The following TRMT5 variants were observed in gnomAD, a reference collection of about 807,000 sequenced individuals.
The protein encoded by TRMT5 is tRNA (guanine(37)-N(1))-methyltransferase.
Under a neutral mutation model 42.2 loss-of-function variants are expected in TRMT5, and 31 were observed. The observed-to-expected ratio is 0.73, with a 90% CI of 0.55 to 0.99. The LOEUF (loss-of-function observed/expected upper bound fraction) is 0.99. Ranked by LOEUF, TRMT5 falls within the 50% of genes least tolerant of loss-of-function variation. The pLI is 0.00. For missense variants in TRMT5, 568 were observed against 595.0 expected, an observed-to-expected ratio of 0.95 and a Z score of 0.47; for synonymous variants, 198 against 209.6, an observed-to-expected ratio of 0.94 and a Z score of 0.48.
rs1449534249 is a variant in TRMT5 at position 60,977,170 on chromosome 14, C to T, written c.792+344G>A. On this transcript the variant is annotated intron_variant, in intron 3 of 4. Transcript: ENST00000261249. ...TAACCTAGAAGGTTTAAATATATCT[C>T]GAGAACTATTTTATACATACTGTTC... Among the ~76,000 whole-genome samples, 10 of 152,228 alleles carry T rather than the reference C, an allele frequency of 6.6e-5. No homozygotes were observed. In the East Asian group the frequency reaches 1.5e-3, roughly 23 times the overall value.
At chr14:60,978,170 A>G (rs747365582) in intron 2 of TRMT5, among the ~76,000 whole-genome samples, 3 of 152,240 alleles carry the variant, frequency 2.0e-5, no homozygotes, top group African/African-American at 2.4e-5. Flanking sequence ...AGTCCTATCT[A>G]AATTAAATGT....
At chr14:60,981,389 G>A (rs2037001397), upstream of TRMT5, 2 of 1,587,122 alleles carry the variant, frequency 1.3e-6, no homozygotes, top group South Asian at 1.2e-5. Context: ...CAACGTAAGT[G>A]GGCTGTGTTC....
At chr14:60,981,303 A>G (rs141415779), upstream of TRMT5, 500 of 1,609,624 alleles carry the variant, frequency 3.1e-4, 3 homozygotes, top group South Asian at 3.1e-3. Context: ...GGGAGCTTCA[A>G]CGCTGAGCGG....
chr14:60,979,571 C>T lies in TRMT5; in HGVS notation c.327G>A (p.Leu109=), dbSNP rs762771187. 3.1e-6 allele frequency: 5 copies of T among 1,614,120 alleles called. No individual in the cohort carries two copies. The Admixed American group carries it at 8.3e-5, about 27-fold the overall frequency. The change falls in exon 2 of 5, where the codon TTG becomes TTA. Residue 109 remains leucine, a synonymous_variant. Coordinates refer to ENST00000261249, the MANE Select transcript of TRMT5 (RefSeq NM_020810.3). ...LKVRKEIVSK[L]MRSLKRAALQ... ...ATGCTGCCCTTTTTAGGGATCGCAT[C>T]AATTTACTGACTATTTCTTTCCTCA...
upstream of TRMT5, chr14:60,981,149 A>G (rs1475978635): frequency 6.5e-6 from 10 of 1,543,498 alleles, no homozygotes; most frequent in African/African-American, 1.4e-5. Flanking sequence ...CTCTCCTTCC[A>G]GGCCCTGGTG....
Position 60,975,763 on chromosome 14 carries a change from T to C in TRMT5, c.1156A>G (p.Met386Val), listed in dbSNP as rs1057517685. ...TCTATAGCTTTTGCTGGCAAGTTCATGACAACGTGCACAGAGGGTTTTCTT... is the reference window on the plus strand; with the variant it reads ...TCTATAGCTTTTGCTGGCAAGTTCACGACAACGTGCACAGAGGGTTTTCTT... ...KERKPSVHVV[M>V]NLPAKAIEFL... Residue 386 changes from methionine (M) to valine (V), a missense_variant, in exon 4 of 5, where the codon ATG (methionine) becomes GTG (valine). Transcript: ENST00000261249. 8.1e-6 allele frequency: 13 copies of C among 1,614,138 alleles called. No homozygotes were observed. Among genetic ancestry groups the C allele is most frequent in the Non-Finnish European group, 1.1e-5 (13 of 1,180,054 alleles).
Position 60,972,627 on chromosome 14 carries a change from C to CT in TRMT5, c.*2481dup. 2 of 325,692 alleles carry CT rather than the reference C, an allele frequency of 6.1e-6. No homozygotes were observed. Among genetic ancestry groups the CT allele is most frequent in the South Asian group, 2.6e-5 (1 of 38,802 alleles). 20.2% of individuals were successfully genotyped at this position (325,692 alleles called of 1,614,324 possible). A position where few individuals can be genotyped will look rare whatever the true frequency, so the allele number is the denominator to read the frequency against. On this transcript the variant is annotated 3_prime_UTR_variant, in exon 5 of 5. Transcript: ENST00000261249. Reference sequence around the variant, plus strand: ...AATATAGCCCAATTTTTTGTAATGCCTTTTTTGGTGAGAATAACATTGCCT... The same window carrying CT: ...AATATAGCCCAATTTTTTGTAATGCCTTTTTTTGGTGAGAATAACATTGCCT...
rs2036815908 is a variant in TRMT5, at chr14:60,974,341, A to C, written c.*768T>G. ...AAGCAGCTGCAGTCCTCACTTCAGC[A>C]GCACATATACTAAAAAACTGGAATG... On this transcript the variant is annotated 3_prime_UTR_variant, in exon 5 of 5. Coordinates refer to ENST00000261249, the MANE Select transcript of TRMT5 (RefSeq NM_020810.3). 1 of 152,288 alleles carries C rather than the reference A, an allele frequency of 6.6e-6. No individual in the cohort carries two copies. Among genetic ancestry groups the C allele is most frequent in the African/African-American group, 2.4e-5 (1 of 41,452 alleles). 9.4% of individuals were successfully genotyped at this position (152,288 alleles called of 1,614,324 possible). A position where few individuals can be genotyped will look rare whatever the true frequency, so the allele number is the denominator to read the frequency against.
rs917179842 is a variant in TRMT5 at position 60,971,939 on chromosome 14, A to G, written c.*3170T>C. 2 of 232,434 alleles carry G rather than the reference A, an allele frequency of 8.6e-6. No homozygotes were observed. Among genetic ancestry groups the G allele is most frequent in the Admixed American group, 5.2e-5 (1 of 19,136 alleles). The allele number at this position is 232,434 out of a possible 1,614,324, so 14.4% of individuals were successfully genotyped here. The stretch of plus-strand genomic sequence containing the variant: ...GACATAAAAACGAATTTGTTTTTCC[A>G]TACCACAAGGCTTTTGTGCCAAGGT... On this transcript the variant is annotated 3_prime_UTR_variant, in exon 5 of 5. Transcript: ENST00000261249.
In TRMT5 at chr14:60,975,959, G is replaced by GT. The variant is rs757276137; in HGVS notation, c.959dup (p.Asn320LysfsTer8). On this transcript the variant is annotated frameshift_variant, in exon 4 of 5. Coordinates refer to ENST00000261249, the MANE Select transcript of TRMT5 (RefSeq NM_020810.3). LOFTEE classifies it high-confidence loss of function. ...TGAGATCATTGGCAAATACAGTGCA[G>GT]TTTTTCTTTGCTACTGGAATGGCAA... 6 of 1,614,198 alleles carry GT rather than the reference G, an allele frequency of 3.7e-6. No homozygotes were observed. In the Admixed American group the frequency reaches 1.0e-4, roughly 27 times the overall value.
chr14:60,975,389 A>T, intron 4 of TRMT5, 86 bp downstream of exon 4: 1 of 1,513,310 alleles, frequency 6.6e-7, no homozygotes, highest in East Asian at 2.3e-5. Flanking sequence ...GACTGAACTA[A>T]TACTGCATTA....
upstream of TRMT5, chr14:60,981,304 C>A: frequency 6.2e-7 from 1 of 1,609,780 alleles, no homozygotes; most frequent in Non-Finnish European, 8.5e-7. Context: ...GGAGCTTCAA[C>A]GCTGAGCGGG....
intron 2 of TRMT5, among the ~76,000 whole-genome samples, chr14:60,978,466 T>G (rs2036876195): frequency 6.6e-6 from 1 of 152,226 alleles, no homozygotes; most frequent in South Asian, 2.1e-4. Context: ...TGAACTCAAC[T>G]TTTAAGGTAC....
Position 60,975,846 on chromosome 14 carries a change from T to A in TRMT5, c.1073A>T (p.Asp358Val). 1 of 1,614,234 alleles carries A rather than the reference T, an allele frequency of 6.2e-7. No individual in the cohort carries two copies. Among genetic ancestry groups the A allele is most frequent in the Non-Finnish European group, 8.5e-7 (1 of 1,180,042 alleles). ...KVKVFNLDGK[D>V]FLQGPVKEEL... ...TTCTTTGACTGGTCCTTGGAGGAAG[T>A]CTTTCCCATCCAAGTTGAAGACTTT... The change falls in exon 4 of 5, where the codon GAC becomes GTC. Residue 358 changes from aspartate to valine, a missense_variant. By Grantham distance (152) the Asp-to-Val change is radical. Transcript: ENST00000261249.
At chr14:60,975,440 C>A in intron 4 of TRMT5, 35 bp downstream of exon 4, 1 of 1,586,232 alleles carries the variant, frequency 6.3e-7, no homozygotes, top group Non-Finnish European at 8.6e-7. Flanking sequence ...AATTGAATGG[C>A]AAGGTTTACA....
At position 60,974,876 on chromosome 14, in the gene TRMT5, TA is replaced by T; in HGVS notation, c.*232del. 4.0e-6 allele frequency: 1 copy of T among 251,074 alleles called. No homozygotes were observed. The highest frequency in any genetic ancestry group is 2.2e-5 in the African/African-American group (1 of 44,516). The allele number at this position is 251,074 out of a possible 1,614,324, so 15.6% of individuals were successfully genotyped here. A position where few individuals can be genotyped will look rare whatever the true frequency, so the allele number is the denominator to read the frequency against. On this transcript the variant is annotated 3_prime_UTR_variant, in exon 5 of 5. Coordinates refer to ENST00000261249, the MANE Select transcript of TRMT5 (RefSeq NM_020810.3). ...AAAATATTTATTCATATTTATCCAATAAAAATTAGATATATTTTGTTATAAA... is the reference window on the plus strand; with the variant it reads ...AAAATATTTATTCATATTTATCCAATAAAATTAGATATATTTTGTTATAAA...
chr14:60,978,754 C>T (rs1008737519), intron 2 of TRMT5, among the ~76,000 whole-genome samples: 2 of 152,064 alleles, frequency 1.3e-5, no homozygotes, highest in African/African-American at 4.8e-5. Context: ...ATTATTACTC[C>T]CTTCATCAAT....
intron 2 of TRMT5, 21 bp from the exon 3 acceptor site, chr14:60,977,659 C>A: frequency 6.3e-7 from 1 of 1,580,720 alleles, no homozygotes; most frequent in Non-Finnish European, 8.6e-7. Flanking sequence ...AAATGAAAAT[C>A]CATAATACTG....
chr14:60,981,357 A>G (rs1215798672), upstream of TRMT5: 2 of 1,608,082 alleles, frequency 1.2e-6, no homozygotes, highest in Admixed American at 1.7e-5. Flanking sequence ...GCGGAGGCCG[A>G]AGAGTTGAGT....
Sources: allele counts gnomAD v4.1 joint callset (sites outside exome capture counted in the v4.1 genomes callset), GRCh38; gene constraint gnomAD v4.1.1; transcripts MANE v1.5; gene names NCBI Gene and HGNC (gene_info 2026-07-23, HGNC 2026-07-21).